Variants in USP34 observed in about 807,000 individuals in gnomAD.
The protein encoded by USP34 is ubiquitin carboxyl-terminal hydrolase 34.
Under a neutral mutation model 460.3 loss-of-function variants are expected in USP34, and 70 were observed. That is an observed-to-expected ratio of 0.15 (90% CI 0.13 to 0.19). The LOEUF (loss-of-function observed/expected upper bound fraction) is 0.19. USP34 is among the 10% of genes least tolerant of loss of function. The pLI is 1.00. For synonymous variants in USP34, 1,647 were observed against 1,405.3 expected (o/e 1.17, Z -3.85); for missense variants, 3,985 against 4,236.2 (o/e 0.94, Z 1.65).
rs112877790 is a variant in USP34, at chr2:61,454,859, G to T, written c.43+15791C>A. On this transcript the variant is annotated intron_variant, in intron 1 of 79. Transcript: ENST00000398571. ...CGCCACACCCAGCAAATATAGTGGG[G>T]TTTTTTTTTTCTTTTTTTTTTTTTT... Among the ~76,000 whole-genome samples, 379 of 84,596 alleles carry T rather than the reference G, an allele frequency of 4.5e-3. 3 individuals are homozygous for T. Among genetic ancestry groups the T allele is most frequent in the South Asian group, 0.011 (27 of 2,500 alleles). The allele number at this position is 84,596 out of a possible 152,430, so 55.5% of individuals were successfully genotyped here. A position where few individuals can be genotyped will look rare whatever the true frequency, so the allele number is the denominator to read the frequency against.
At chr2:61,441,924 G>A (rs1694977515) in intron 1 of USP34, among the ~76,000 whole-genome samples, 1 of 151,254 alleles carries the variant, frequency 6.6e-6, no homozygotes, top group South Asian at 2.1e-4. Context: ...CATAAGAACA[G>A]ATACATAAAC....
chr2:61,368,109 G>A (rs1692493370), intron 10 of USP34, among the ~76,000 whole-genome samples: 1 of 152,140 alleles, frequency 6.6e-6, no homozygotes, highest in Admixed American at 6.5e-5. Context: ...CTGTTGTGCT[G>A]TGGAAGCCAC....
At chr2:61,465,047 A>G (rs149669386) in intron 1 of USP34, among the ~76,000 whole-genome samples, 1 of 152,190 alleles carries the variant, frequency 6.6e-6, no homozygotes, top group African/African-American at 2.4e-5. Flanking sequence ...AAGCTTTTTA[A>G]ATGTTTTTAA....
At chr2:61,439,705 C>G (rs147365147) in intron 1 of USP34, among the ~76,000 whole-genome samples, 1 of 152,178 alleles carries the variant, frequency 6.6e-6, no homozygotes, top group South Asian at 2.1e-4. Flanking sequence ...TCTAAGAGAA[C>G]AGACTTGCTG....
Position 61,370,481 on chromosome 2 carries a change from T to C in USP34, c.1158+17A>G. On this transcript the variant is annotated intron_variant, in intron 9 of 79. Transcript: ENST00000398571. ...CTCTATCAATAGAACAGAGAAGTTA[T>C]GTAATCATCCACAAACCTCAATATG... 6 of 1,613,442 alleles carry C rather than the reference T, an allele frequency of 3.7e-6. No individual in the cohort carries two copies. Among genetic ancestry groups the C allele is most frequent in the African/African-American group, 1.3e-5 (1 of 75,026 alleles).
chr2:61,315,216 G>GA (rs1690706555), intron 23 of USP34, among the ~76,000 whole-genome samples: 1 of 152,048 alleles, frequency 6.6e-6, no homozygotes, highest in African/African-American at 2.4e-5. Flanking sequence ...TACATAGTAC[G>GA]AAAATTCTAG....
rs1408251032 is a variant in USP34 at position 61,315,063 on chromosome 2, G to A, written c.3283-89C>T. The A allele has an allele frequency of 7.7e-6, 7 of 910,212 alleles. No individual in the cohort carries two copies. In the African/African-American group the frequency reaches 1.2e-4, roughly 15 times the overall value. 56.4% of individuals were successfully genotyped at this position (910,212 alleles called of 1,614,324 possible). A position where few individuals can be genotyped will look rare whatever the true frequency, so the allele number is the denominator to read the frequency against. ...GAAGTATCAAAAGTAAAAATCATAG[G>A]CAACTCCTATTATTCAGCTATTAAA... On this transcript the variant is annotated intron_variant, in intron 23 of 79. Coordinates refer to ENST00000398571, the MANE Select transcript of USP34 (RefSeq NM_014709.4).
intron 5 of USP34, among the ~76,000 whole-genome samples, chr2:61,387,952 CACACACAT>C (rs1266423032): frequency 3.1e-4 from 46 of 147,684 alleles, no homozygotes; most frequent in African/African-American, 9.6e-4. Context: ...CACACACACA[CACACACAT>C]ATATATATAT....
intron 27 of USP34, among the ~76,000 whole-genome samples, chr2:61,305,757 A>G (rs528551363): frequency 5.3e-5 from 8 of 152,230 alleles, no homozygotes; most frequent in Non-Finnish European, 8.8e-5. Context: ...AATCACTGTT[A>G]AAGAAAAATC....
At chr2:61,231,713 A>AAAAAC (rs1572855110) in intron 58 of USP34, among the ~76,000 whole-genome samples, 2 of 151,876 alleles carry the variant, frequency 1.3e-5, no homozygotes, top group Non-Finnish European at 2.9e-5. Context: ...GACTCTGTCT[A>AAAAAC]AAAACAAAAC....
chr2:61,398,504 A>AGCAGGGGAAGGAGGCGGAG (rs1693609201), intron 3 of USP34, among the ~76,000 whole-genome samples: 1 of 124,606 alleles, frequency 8.0e-6, no homozygotes, highest in Non-Finnish European at 1.7e-5. Flanking sequence ...AGGAGGCGGA[A>AGCAGGGGAAGGAGGCGGAG]GCAGGGGAAG....
At chr2:61,259,141 C>T (rs79968838) in intron 44 of USP34, among the ~76,000 whole-genome samples, 4,400 of 152,002 alleles carry the variant, frequency 0.029, 223 homozygotes, top group African/African-American at 0.1. Context: ...CGCCTGTAGT[C>T]CCAGCTACTT....
At chr2:61,439,009 G>A in intron 1 of USP34, among the ~76,000 whole-genome samples, 1 of 152,132 alleles carries the variant, frequency 6.6e-6, no homozygotes, top group East Asian at 1.9e-4. Context: ...AATCAGTGAT[G>A]TTTCCATATA....
intron 15 of USP34, among the ~76,000 whole-genome samples, 175 bp downstream of exon 15, chr2:61,347,695 T>C (rs1357345130): frequency 1.3e-5 from 2 of 152,182 alleles, no homozygotes; most frequent in African/African-American, 4.8e-5. Context: ...TCATTTTGTG[T>C]TTTTAAATGT....
chr2:61,262,683 T>C (rs1182857515), intron 43 of USP34, among the ~76,000 whole-genome samples: 1 of 152,158 alleles, frequency 6.6e-6, no homozygotes, highest in Non-Finnish European at 1.5e-5. Flanking sequence ...ATGATTTATA[T>C]TCCTTTGGGT....
chr2:61,325,999 T>C (rs1691076122), intron 20 of USP34, among the ~76,000 whole-genome samples: 1 of 152,114 alleles, frequency 6.6e-6, no homozygotes, highest in East Asian at 1.9e-4. Flanking sequence ...AATAAAAAAG[T>C]TGCTTTTGAA....
At chr2:61,400,126 T>G (rs1168473161) in intron 3 of USP34, among the ~76,000 whole-genome samples, 1 of 139,552 alleles carries the variant, frequency 7.2e-6, no homozygotes, top group African/African-American at 2.6e-5. Flanking sequence ...TTTTTTTTTT[T>G]GGAGATGGAG....
intron 75 of USP34, 93 bp downstream of exon 75, chr2:61,203,047 A>G: frequency 7.6e-7 from 1 of 1,310,170 alleles, no homozygotes; most frequent in Non-Finnish European, 1.0e-6. Flanking sequence ...AAAAAAAGAA[A>G]AAAAGGATTG....
intron 3 of USP34, among the ~76,000 whole-genome samples, chr2:61,396,271 T>C (rs1021467433): frequency 1.3e-5 from 2 of 152,168 alleles, no homozygotes; most frequent in African/African-American, 4.8e-5. Context: ...TGTTGGTGAG[T>C]ATAAGTTCGT....
Sources: allele counts gnomAD v4.1 joint callset (sites outside exome capture counted in the v4.1 genomes callset), GRCh38; gene constraint gnomAD v4.1.1; transcripts MANE v1.5; gene names NCBI Gene and HGNC (gene_info 2026-07-23, HGNC 2026-07-21).